Variants in STXBP4 observed in about 807,000 individuals in gnomAD.
The protein encoded by STXBP4 is syntaxin binding protein 4.
Under a neutral mutation model 76.1 loss-of-function variants are expected in STXBP4, and 55 were observed. The observed-to-expected ratio is 0.72, with a 90% CI of 0.58 to 0.91. The LOEUF is 0.91. STXBP4 is among the 40% of genes least tolerant of loss of function. The probability of loss-of-function intolerance (pLI) is 0.00; values close to 1 mark genes in which losing one functional copy is unlikely to be tolerated. For synonymous variants in STXBP4, 201 were observed against 220.2 expected (o/e 0.91, Z 0.77); for missense variants, 618 against 636.9 (o/e 0.97, Z 0.32).
intron 10 of STXBP4, among the ~76,000 whole-genome samples, chr17:55,040,326 G>T (rs961354575): frequency 2.0e-5 from 3 of 152,054 alleles, no homozygotes; most frequent in Non-Finnish European, 2.9e-5. Context: ...GAAGTGAAAG[G>T]AATGAGCAGG....
At chr17:55,044,894 C>T (rs2078764773) in intron 11 of STXBP4, 2 of 151,480 alleles carry the variant, frequency 1.3e-5, no homozygotes, top group Middle Eastern at 3.4e-3. Flanking sequence ...ATATCTCAGG[C>T]AGCTTTTCAG....
At chr17:55,073,169 C>A in intron 13 of STXBP4, 93 bp downstream of exon 13, 1 of 1,171,784 alleles carries the variant, frequency 8.5e-7, no homozygotes, top group Non-Finnish European at 1.2e-6. Flanking sequence ...CACTTCTAAA[C>A]TAGGTCAGTG....
chr17:55,082,600 A>T (rs530863165), intron 16 of STXBP4, among the ~76,000 whole-genome samples: 60 of 152,114 alleles, frequency 3.9e-4, no homozygotes, highest in Admixed American at 1.0e-3. Context: ...GATGTTTAGC[A>T]TTCCTAGTAC....
At chr17:55,177,977 T>C (rs969759214), downstream of STXBP4, among the ~76,000 whole-genome samples, 1 of 152,224 alleles carries the variant, frequency 6.6e-6, no homozygotes, top group Non-Finnish European at 1.5e-5. Flanking sequence ...CCTCTTGTTT[T>C]CAAATGTGTG....
intron 16 of STXBP4, among the ~76,000 whole-genome samples, chr17:55,120,448 A>T (rs1437512047): frequency 6.6e-6 from 1 of 152,196 alleles, no homozygotes; most frequent in Non-Finnish European, 1.5e-5. Context: ...AGATATGTAC[A>T]CTGCTTTGAG....
chr17:55,123,943 T>G (rs2079876271), intron 16 of STXBP4, among the ~76,000 whole-genome samples: 1 of 151,978 alleles, frequency 6.6e-6, no homozygotes, highest in Non-Finnish European at 1.5e-5. Flanking sequence ...CTTGAAACTC[T>G]AATGCATAAT....
At chr17:55,203,534 A>G in the STXBP4 span, among the ~76,000 whole-genome samples, 1 of 152,208 alleles carries the variant, frequency 6.6e-6, no homozygotes, top group Admixed American at 6.5e-5. Flanking sequence ...ATTATCCTAC[A>G]CAAACAAGTG....
chr17:55,173,404 A>G lies in STXBP4; in HGVS notation c.*13493A>G, dbSNP rs557325649. The G allele has an allele frequency of 6.6e-6, 1 of 152,330 alleles. No homozygotes were observed. The highest frequency in any genetic ancestry group is 6.5e-5 in the Admixed American group (1 of 15,300). The allele number at this position is 152,330 out of a possible 1,614,324, so 9.4% of individuals were successfully genotyped here. A position where few individuals can be genotyped will look rare whatever the true frequency, so the allele number is the denominator to read the frequency against. On this transcript the variant is annotated 3_prime_UTR_variant, in exon 18 of 18. Coordinates refer to ENST00000376352, the MANE Select transcript of STXBP4 (RefSeq NM_178509.6). ...GTAGTTTTGCCTTTTCGAGAATATCATATAAATAATCATGTATTATGTAAC... is the reference window on the plus strand; with the variant it reads ...GTAGTTTTGCCTTTTCGAGAATATCGTATAAATAATCATGTATTATGTAAC...
chr17:55,012,169 C>T (rs2078127528), intron 8 of STXBP4, among the ~76,000 whole-genome samples: 1 of 152,146 alleles, frequency 6.6e-6, no homozygotes, highest in Non-Finnish European at 1.5e-5. Context: ...GGGATTATTT[C>T]TTTGGCACAC....
intron 16 of STXBP4, among the ~76,000 whole-genome samples, chr17:55,092,375 A>G (rs1378361002): frequency 2.3e-4 from 35 of 152,082 alleles, no homozygotes; most frequent in Non-Finnish European, 1.5e-5. Context: ...AACAGTAAAA[A>G]AAGTCCTAAT....
rs371974451 is a variant in STXBP4 at position 54,999,404 on chromosome 17, T to C, written c.240T>C (p.Gly80=). 159 of 1,613,280 alleles carry C rather than the reference T, an allele frequency of 9.9e-5. No individual in the cohort carries two copies. The highest frequency in any genetic ancestry group is 1.7e-4 in the Middle Eastern group (1 of 6,056). The change falls in exon 5 of 18, where the codon GGT becomes GGC. Residue 80 remains glycine, a synonymous_variant. Coordinates refer to ENST00000376352, the MANE Select transcript of STXBP4 (RefSeq NM_178509.6). ...CAGTCAACAAGGAATCTATGATTGGTGTATCATTTGAAGAAGCAAAAAGCA... is the reference window on the plus strand; with the variant it reads ...CAGTCAACAAGGAATCTATGATTGGCGTATCATTTGAAGAAGCAAAAAGCA... ...LVSVNKESMI[G]VSFEEAKSII...
At chr17:55,076,255 G>A (rs1048942655) in intron 13 of STXBP4, among the ~76,000 whole-genome samples, 3 of 152,032 alleles carry the variant, frequency 2.0e-5, no homozygotes, top group East Asian at 3.9e-4. Flanking sequence ...TTTGTTTTGT[G>A]TGGTCAGCAT....
chr17:55,000,351 A>C, intron 6 of STXBP4: 9 of 678,766 alleles, frequency 1.3e-5, no homozygotes, highest in Non-Finnish European at 1.6e-5. Context: ...TAACATACTC[A>C]ATTACTAACT....
chr17:55,145,685 C>G (rs977648854), intron 17 of STXBP4, among the ~76,000 whole-genome samples: 3 of 152,132 alleles, frequency 2.0e-5, no homozygotes, highest in Middle Eastern at 3.4e-3. Context: ...TCGCTACAGC[C>G]AGTGTTTCAT....
intron 16 of STXBP4, among the ~76,000 whole-genome samples, chr17:55,139,184 G>A (rs1306488423): frequency 1.3e-5 from 2 of 152,018 alleles, no homozygotes; most frequent in African/African-American, 4.8e-5. Flanking sequence ...TAATTGTAAG[G>A]AAATAATCAA....
At chr17:55,184,458 C>G in the STXBP4 span, among the ~76,000 whole-genome samples, 1 of 152,164 alleles carries the variant, frequency 6.6e-6, no homozygotes, top group Admixed American at 6.5e-5. Flanking sequence ...CTTGAAGTCC[C>G]CTTGAGCTCT....
At chr17:55,176,850 A>G (rs1465596729), downstream of STXBP4, among the ~76,000 whole-genome samples, 1 of 152,168 alleles carries the variant, frequency 6.6e-6, no homozygotes, top group Non-Finnish European at 1.5e-5. Flanking sequence ...GAGATGGGAC[A>G]TCATTCTTCT....
chr17:54,989,434 A>G (rs893654579), intron 3 of STXBP4, among the ~76,000 whole-genome samples: 19 of 152,152 alleles, frequency 1.2e-4, no homozygotes, highest in African/African-American at 4.3e-4. Context: ...CAGTTATTCA[A>G]TGTATTTGAA....
intron 13 of STXBP4, among the ~76,000 whole-genome samples, chr17:55,073,554 T>C (rs2079146754): frequency 6.6e-6 from 1 of 152,196 alleles, no homozygotes; most frequent in Non-Finnish European, 1.5e-5. Context: ...ATGTGAGGTG[T>C]ACTAAAGTAG....
Sources: gnomAD v4.1 joint callset for allele counts (sites outside exome capture counted in the v4.1 genomes callset) on GRCh38, gnomAD v4.1.1 for gene constraint, MANE v1.5 for transcripts, NCBI Gene and HGNC (gene_info 2026-07-23, HGNC 2026-07-21) for gene names.